The following VDAC1 variants were observed in gnomAD, a reference collection of about 807,000 sequenced individuals.
The protein encoded by VDAC1 is voltage dependent anion channel 1.
A neutral mutation model predicts 34.7 loss-of-function variants in VDAC1; 10 were observed. That is an observed-to-expected ratio of 0.29 (90% CI 0.18 to 0.49). The LOEUF (loss-of-function observed/expected upper bound fraction) is 0.49. Ranked by LOEUF, VDAC1 falls within the 20% of genes least tolerant of loss-of-function variation. The pLI is 0.99. For missense variants in VDAC1, 230 were observed against 347.9 expected, an observed-to-expected ratio of 0.66 and a Z score of 2.69; for synonymous variants, 130 against 136.0, an observed-to-expected ratio of 0.96 and a Z score of 0.30.
the VDAC1 span, among the ~76,000 whole-genome samples, chr5:134,015,477 G>C: frequency 2.0e-5 from 3 of 152,158 alleles, no homozygotes; most frequent in Non-Finnish European, 4.4e-5. Context: ...CTCCAGAACT[G>C]TGAGAAATAA....
chr5:134,052,303 A>C, the VDAC1 span, among the ~76,000 whole-genome samples: 1 of 151,670 alleles, frequency 6.6e-6, no homozygotes, highest in Non-Finnish European at 1.5e-5. Flanking sequence ...TCAGGTCTTC[A>C]TTTCTCTATG....
chr5:133,992,223 C>T, intron 3 of VDAC1, 83 bp downstream of exon 3: 1 of 1,095,130 alleles, frequency 9.1e-7, no homozygotes, highest in Non-Finnish European at 1.2e-6. Flanking sequence ...GCGACAAGAG[C>T]AAAACTCCAT....
chr5:133,974,400 C>A (rs1453105636), intron 7 of VDAC1, among the ~76,000 whole-genome samples: 1 of 152,148 alleles, frequency 6.6e-6, no homozygotes, highest in African/African-American at 2.4e-5. Flanking sequence ...AAGATGCCAA[C>A]TGACTATTGA....
chr5:134,100,050 G>T, the VDAC1 span, among the ~76,000 whole-genome samples: 3 of 152,246 alleles, frequency 2.0e-5, no homozygotes, highest in African/African-American at 7.2e-5. Flanking sequence ...TATGTGGCTG[G>T]CCCTGTGCAT....
chr5:134,009,881 A>C (rs188338162), upstream of VDAC1, among the ~76,000 whole-genome samples: 993 of 152,060 alleles, frequency 6.5e-3, 3 homozygotes, highest in Middle Eastern at 0.01. Flanking sequence ...TGGTTTTGCC[A>C]CGTTGGCCAG....
chr5:134,046,505 C>A, the VDAC1 span, among the ~76,000 whole-genome samples: 1 of 152,178 alleles, frequency 6.6e-6, no homozygotes, highest in South Asian at 2.1e-4. Flanking sequence ...CTGCAAACAT[C>A]TGCAAAGTCC....
intron 5 of VDAC1, among the ~76,000 whole-genome samples, chr5:133,987,071 A>C (rs1752934145): frequency 6.6e-6 from 1 of 152,372 alleles, no homozygotes; most frequent in Admixed American, 6.5e-5. Context: ...GAAAATTACC[A>C]TTTGAGGCCA....
the VDAC1 span, among the ~76,000 whole-genome samples, chr5:134,078,970 C>A: frequency 1.3e-5 from 2 of 148,148 alleles, no homozygotes; most frequent in Non-Finnish European, 3.0e-5. Context: ...TGACCCCCCT[C>A]CTTTTTTTTT....
intron 5 of VDAC1, among the ~76,000 whole-genome samples, chr5:133,990,395 C>T (rs1448786198): frequency 6.6e-6 from 1 of 152,218 alleles, no homozygotes; most frequent in Non-Finnish European, 1.5e-5. Context: ...CACCAGCAGC[C>T]TAACTCACAT....
At chr5:134,056,552 G>A in the VDAC1 span, among the ~76,000 whole-genome samples, 1 of 151,518 alleles carries the variant, frequency 6.6e-6, no homozygotes, top group African/African-American at 2.4e-5. Context: ...TGATCCTCTA[G>A]CCTCGGCCTC....
the VDAC1 span, among the ~76,000 whole-genome samples, chr5:134,102,076 T>C: frequency 6.6e-6 from 1 of 151,934 alleles, no homozygotes; most frequent in African/African-American, 2.4e-5. Flanking sequence ...GGGGAGCGGT[T>C]TCCTTTTGAG....
chr5:134,068,347 T>C, the VDAC1 span, among the ~76,000 whole-genome samples: 1 of 151,812 alleles, frequency 6.6e-6, no homozygotes, highest in Non-Finnish European at 1.5e-5. Flanking sequence ...TTTTTTTTCT[T>C]TTTGAGGAAT....
chr5:134,092,881 T>G, the VDAC1 span, among the ~76,000 whole-genome samples: 1 of 152,220 alleles, frequency 6.6e-6, no homozygotes, highest in Non-Finnish European at 1.5e-5. Flanking sequence ...CCCTCTCCAT[T>G]GCAACCCTTG....
the VDAC1 span, among the ~76,000 whole-genome samples, chr5:134,014,962 G>A: frequency 3.1e-3 from 466 of 152,284 alleles, 3 homozygotes; most frequent in African/African-American, 9.8e-3. Context: ...GTCAACCTAG[G>A]TGCCCATCAG....
At chr5:134,041,611 C>A in the VDAC1 span, among the ~76,000 whole-genome samples, 1 of 152,198 alleles carries the variant, frequency 6.6e-6, no homozygotes, top group South Asian at 2.1e-4. Flanking sequence ...ATGGTGGGAC[C>A]GAGCTGGTGG....
the VDAC1 span, among the ~76,000 whole-genome samples, chr5:134,017,334 C>G: frequency 2.6e-5 from 4 of 152,266 alleles, no homozygotes; most frequent in South Asian, 4.1e-4. Flanking sequence ...GGCGTAGTGG[C>G]ACATGCCTGT....
chr5:134,083,142 G>A, the VDAC1 span, among the ~76,000 whole-genome samples: 1 of 151,536 alleles, frequency 6.6e-6, no homozygotes, highest in Non-Finnish European at 1.5e-5. Context: ...AGTGATGGAA[G>A]ACAGAGTGTC....
chr5:134,056,033 G>A, the VDAC1 span, among the ~76,000 whole-genome samples: 1 of 151,976 alleles, frequency 6.6e-6, no homozygotes, highest in Non-Finnish European at 1.5e-5. Context: ...GAGGTCAAGA[G>A]TTTGAGACCA....
chr5:134,085,362 G>A, the VDAC1 span, among the ~76,000 whole-genome samples: 1 of 151,870 alleles, frequency 6.6e-6, no homozygotes, highest in African/African-American at 2.4e-5. Context: ...GCCACCGCGT[G>A]TGGCCCGAGA....
Sources: gnomAD v4.1 joint callset for allele counts (sites outside exome capture counted in the v4.1 genomes callset) on GRCh38, gnomAD v4.1.1 for gene constraint, MANE v1.5 for transcripts, NCBI Gene and HGNC (gene_info 2026-07-23, HGNC 2026-07-21) for gene names.